The following SPMIP7 variants were observed in gnomAD, a reference collection of about 807,000 sequenced individuals.
SPMIP7 encodes the protein protein SPMIP7.
the SPMIP7 span, among the ~76,000 whole-genome samples, chr7:50,158,505 C>T: frequency 6.6e-6 from 1 of 151,216 alleles, no homozygotes; most frequent in Non-Finnish European, 1.5e-5. Context: ...CTTCTGCTGG[C>T]CTCTGGGTGA....
chr7:50,103,049 A>ATT, the SPMIP7 span, among the ~76,000 whole-genome samples: 47 of 42,768 alleles, frequency 1.1e-3, no homozygotes, highest in African/African-American at 3.7e-3. Flanking sequence ...AAGATCATAT[A>ATT]TTTTATATAT....
At chr7:50,148,450 T>G in the SPMIP7 span, among the ~76,000 whole-genome samples, 1 of 152,246 alleles carries the variant, frequency 6.6e-6, no homozygotes, top group East Asian at 1.9e-4. Flanking sequence ...TCTGACTTCT[T>G]AACTGCTCTG....
the SPMIP7 span, among the ~76,000 whole-genome samples, chr7:50,105,189 A>C: frequency 6.6e-6 from 1 of 152,192 alleles, no homozygotes; most frequent in African/African-American, 2.4e-5. Flanking sequence ...CAGATATAAA[A>C]ACATTTTTAA....
At chr7:50,138,720 T>C in the SPMIP7 span, among the ~76,000 whole-genome samples, 13 of 152,040 alleles carry the variant, frequency 8.6e-5, no homozygotes, top group Non-Finnish European at 1.6e-4. Flanking sequence ...CTTTAACAAT[T>C]GCACCACTTC....
chr7:50,104,636 G>A, the SPMIP7 span, among the ~76,000 whole-genome samples: 1 of 152,064 alleles, frequency 6.6e-6, no homozygotes, highest in Non-Finnish European at 1.5e-5. Flanking sequence ...TGGGGGAGGA[G>A]TGAGTAGTAG....
chr7:50,124,701 A>T, the SPMIP7 span, among the ~76,000 whole-genome samples: 1 of 152,196 alleles, frequency 6.6e-6, no homozygotes, highest in Non-Finnish European at 1.5e-5. Context: ...AACATATCAA[A>T]TTTTGTATAA....
chr7:50,137,474 C>A, the SPMIP7 span, among the ~76,000 whole-genome samples: 1 of 152,028 alleles, frequency 6.6e-6, no homozygotes, highest in Non-Finnish European at 1.5e-5. Context: ...GTACAGTGCC[C>A]ACATACCTTC....
the SPMIP7 span, among the ~76,000 whole-genome samples, chr7:50,109,383 A>G: frequency 6.6e-6 from 1 of 151,762 alleles, no homozygotes; most frequent in Non-Finnish European, 1.5e-5. Flanking sequence ...TTATTTATTT[A>G]TTTATTTATT....
chr7:50,116,732 T>A, the SPMIP7 span, among the ~76,000 whole-genome samples: 4 of 152,230 alleles, frequency 2.6e-5, no homozygotes, highest in African/African-American at 9.6e-5. Flanking sequence ...TGTGGGATTT[T>A]GAAAAGTTCT....
the SPMIP7 span, among the ~76,000 whole-genome samples, chr7:50,116,568 C>A: frequency 6.6e-6 from 1 of 152,074 alleles, no homozygotes. Flanking sequence ...TATGGCAAAA[C>A]TAGTAAATGT....
the SPMIP7 span, among the ~76,000 whole-genome samples, chr7:50,149,966 A>G: frequency 6.6e-6 from 1 of 152,182 alleles, no homozygotes. Context: ...GACTATGTCC[A>G]GTCCAGATCC....
chr7:50,096,770 C>A, the SPMIP7 span: 24 of 723,656 alleles, frequency 3.3e-5, no homozygotes, highest in Admixed American at 5.9e-4. Context: ...TTTTAAATTA[C>A]AGATTATAAG....
the SPMIP7 span, among the ~76,000 whole-genome samples, chr7:50,155,877 G>GCACATACAGCTGTC: frequency 0.014 from 26 of 1,920 alleles, no homozygotes; most frequent in Non-Finnish European, 0.029. Context: ...TCCATGGCCT[G>GCACATACAGCTGTC]AGTGGGACCC....
At chr7:50,112,146 T>A in the SPMIP7 span, among the ~76,000 whole-genome samples, 2 of 151,880 alleles carry the variant, frequency 1.3e-5, no homozygotes, top group African/African-American at 4.8e-5. Context: ...AAACCAAAAT[T>A]TAACAAAGGA....
chr7:50,155,874 C>CCCT, the SPMIP7 span, among the ~76,000 whole-genome samples: 1 of 152,084 alleles, frequency 6.6e-6, no homozygotes, highest in Non-Finnish European at 1.5e-5. Flanking sequence ...TCATCCATGG[C>CCCT]CTGAGTGGGA....
the SPMIP7 span, among the ~76,000 whole-genome samples, chr7:50,157,123 A>G: frequency 6.6e-6 from 1 of 152,178 alleles, no homozygotes; most frequent in Admixed American, 6.5e-5. Context: ...TCTGTAATCG[A>G]GAAAACTGCA....
chr7:50,157,846 A>G, the SPMIP7 span, among the ~76,000 whole-genome samples: 1 of 152,144 alleles, frequency 6.6e-6, no homozygotes, highest in East Asian at 1.9e-4. Flanking sequence ...AATGCCAGTA[A>G]CCCAAGGGGA....
the SPMIP7 span, chr7:50,129,678 A>G: frequency 1.6e-6 from 2 of 1,288,886 alleles, no homozygotes; most frequent in Non-Finnish European, 2.2e-6. Flanking sequence ...ATTTCCATTT[A>G]TATTTGGTCT....
chr7:50,124,296 G>A, the SPMIP7 span, among the ~76,000 whole-genome samples: 1 of 152,054 alleles, frequency 6.6e-6, no homozygotes, highest in Non-Finnish European at 1.5e-5. Context: ...ATCACCTTAG[G>A]GGGTTTTAAC....
Sources: gnomAD v4.1 joint callset for allele counts (sites outside exome capture counted in the v4.1 genomes callset) on GRCh38, gnomAD v4.1.1 for gene constraint, MANE v1.5 for transcripts, NCBI Gene and HGNC (gene_info 2026-07-23, HGNC 2026-07-21) for gene names.